ACOT7: variants seen among roughly 807,000 people sequenced by gnomAD.
ACOT7 encodes the protein acyl-CoA thioesterase 7.
Under a neutral mutation model 40.2 loss-of-function variants are expected in ACOT7, and 12 were observed. The ratio of observed to expected loss-of-function variants is 0.30; its 90% CI spans 0.19 to 0.48. The LOEUF is 0.48. Among genes scored for constraint, ACOT7 ranks in the 20% least tolerant of loss-of-function variants. The pLI, the probability that ACOT7 is intolerant of heterozygous loss-of-function variation, is 0.99. For missense variants in ACOT7, 395 were observed against 530.8 expected (o/e 0.74, Z 2.51); for synonymous variants, 228 against 219.5 (o/e 1.04, Z -0.34).
chr1:6,336,064 CG>C (rs2148440889), intron 3 of ACOT7, among the ~76,000 whole-genome samples: 1 of 152,276 alleles, frequency 6.6e-6, no homozygotes, highest in African/African-American at 2.4e-5. Flanking sequence ...AATTATCTCT[CG>C]GCCAGCTGCG....
In ACOT7 at chr1:6,330,486, T is replaced by C. The variant is rs1391920297; in HGVS notation, c.510+2991A>G. The stretch of plus-strand genomic sequence containing the variant: ...GCTGAGAACCGTGCAGCCTCTCCCA[T>C]CTGCGGCTCCGGCTGCCTCGGAGCC... On this transcript the variant is annotated intron_variant, in intron 4 of 8. Transcript: ENST00000361521. The surrounding 1 kb of genome is among the most constrained non-coding windows in gnomAD (Gnocchi z 4.6). Among the ~76,000 whole-genome samples the C allele has an allele frequency of 6.6e-6, 1 of 152,184 alleles. No homozygotes were observed. Among genetic ancestry groups the C allele is most frequent in the African/African-American group, 2.4e-5 (1 of 41,446 alleles).
Position 6,293,181 on chromosome 1 carries a change from G to A in ACOT7, c.829+1683C>T, listed in dbSNP as rs554676079. 7.2e-5 allele frequency among the ~76,000 whole-genome samples: 11 copies of A among 152,272 alleles called. No homozygotes were observed. The East Asian group carries it at 1.5e-3, about 21-fold the overall frequency. ...TGGCATTACAGGCGTGAGCCACAGC[G>A]CTCAGCCAGAAAGTCTATTTCTTTC... On this transcript the variant is annotated intron_variant, in intron 7 of 8. Coordinates refer to ENST00000361521, the MANE Select transcript of ACOT7 (RefSeq NM_007274.4).
At chr1:6,264,846 C>T in intron 8 of ACOT7, 151 bp from the exon 9 acceptor site, 2 of 744,776 alleles carry the variant, frequency 2.7e-6, no homozygotes, top group Admixed American at 2.9e-5. Context: ...CCGCTGGCCT[C>T]CTGGGACTGC....
At chr1:6,368,231 G>A (rs927366126) in intron 1 of ACOT7, among the ~76,000 whole-genome samples, 7 of 152,246 alleles carry the variant, frequency 4.6e-5, no homozygotes, top group Middle Eastern at 3.4e-3. Flanking sequence ...TCTGTCTCTC[G>A]CCACTGTTCA....
intron 7 of ACOT7, among the ~76,000 whole-genome samples, chr1:6,283,317 A>G (rs533587712): frequency 3.9e-5 from 6 of 152,294 alleles, no homozygotes; most frequent in Admixed American, 3.3e-4. Flanking sequence ...GTGCACCACC[A>G]TGCACGGCTG....
chr1:6,356,497 C>A (rs1441438095), intron 1 of ACOT7, among the ~76,000 whole-genome samples: 3 of 152,194 alleles, frequency 2.0e-5, no homozygotes, highest in African/African-American at 7.2e-5. Context: ...ACCTGGCCAG[C>A]CCTGGACAGG....
intron 6 of ACOT7, among the ~76,000 whole-genome samples, chr1:6,314,157 T>C (rs780163753): frequency 6.6e-6 from 1 of 152,088 alleles, no homozygotes; most frequent in Non-Finnish European, 1.5e-5. Flanking sequence ...GAACAACCAT[T>C]GGCTTTCGTA....
intron 5 of ACOT7, among the ~76,000 whole-genome samples, chr1:6,320,038 A>G (rs1340598800): frequency 6.6e-6 from 1 of 152,196 alleles, no homozygotes; most frequent in African/African-American, 2.4e-5. Flanking sequence ...TAGGGGAGGA[A>G]GGGAGGTTCT....
intron 1 of ACOT7, chr1:6,360,804 T>G: frequency 6.8e-7 from 1 of 1,460,882 alleles, no homozygotes; most frequent in Non-Finnish European, 9.1e-7. Flanking sequence ...TTCCAGCTGG[T>G]CCCAGTCCAG....
At chr1:6,312,979 T>C (rs1640382302) in intron 6 of ACOT7, among the ~76,000 whole-genome samples, 1 of 152,070 alleles carries the variant, frequency 6.6e-6, no homozygotes, top group Non-Finnish European at 1.5e-5. Flanking sequence ...CACGGCCCAG[T>C]GGGGACTCCA....
chr1:6,285,683 C>T (rs1571270476), intron 7 of ACOT7, among the ~76,000 whole-genome samples: 1 of 152,194 alleles, frequency 6.6e-6, no homozygotes, highest in African/African-American at 2.4e-5. Flanking sequence ...AGGTGGCTCT[C>T]GGGAGCCCTG....
At chr1:6,302,944 A>G (rs567003653) in intron 6 of ACOT7, among the ~76,000 whole-genome samples, 31 of 152,330 alleles carry the variant, frequency 2.0e-4, no homozygotes, top group South Asian at 1.9e-3. Flanking sequence ...AAATTTTAAG[A>G]AAACAACCCA....
chr1:6,297,790 A>G (rs571046557), intron 6 of ACOT7, among the ~76,000 whole-genome samples: 32 of 152,162 alleles, frequency 2.1e-4, no homozygotes, highest in Admixed American at 5.2e-4. Flanking sequence ...GCTTCGAAAT[A>G]CCGCAGTGGG....
At chr1:6,318,639 C>G in intron 5 of ACOT7, 61 bp from the exon 6 acceptor site, 2 of 1,551,762 alleles carry the variant, frequency 1.3e-6, no homozygotes, top group Non-Finnish European at 8.8e-7. Context: ...GCTGAATGGT[C>G]TGGCAATGCC....
intron 6 of ACOT7, among the ~76,000 whole-genome samples, chr1:6,300,475 C>T (rs1484291726): frequency 6.6e-6 from 1 of 152,068 alleles, no homozygotes; most frequent in Non-Finnish European, 1.5e-5. Flanking sequence ...TCTCCACAAA[C>T]ACGGAATCTC....
At chr1:6,380,599 AAAAC>A (rs1188834433) in intron 1 of ACOT7, among the ~76,000 whole-genome samples, 1 of 150,844 alleles carries the variant, frequency 6.6e-6, no homozygotes, top group East Asian at 1.9e-4. Flanking sequence ...AAAAAAAAAA[AAAAC>A]AAGAAGACGA....
chr1:6,375,104 C>T (rs922571412), intron 1 of ACOT7, among the ~76,000 whole-genome samples: 6 of 150,780 alleles, frequency 4.0e-5, no homozygotes, highest in Admixed American at 1.3e-4. Flanking sequence ...TGTGAAGCCC[C>T]GTCTCTACTA....
chr1:6,346,586 T>A (rs1641430252), intron 2 of ACOT7, among the ~76,000 whole-genome samples: 1 of 152,230 alleles, frequency 6.6e-6, no homozygotes, highest in Non-Finnish European at 1.5e-5. Context: ...CGTGCGGACG[T>A]GCCTTTGGCT....
chr1:6,266,782 G>A (rs1045283344), intron 8 of ACOT7, among the ~76,000 whole-genome samples: 50 of 152,388 alleles, frequency 3.3e-4, no homozygotes, highest in African/African-American at 1.2e-3. Flanking sequence ...CCACAGCCTG[G>A]CTTCCTGCCT....
Sources: allele counts gnomAD v4.1 joint callset (sites outside exome capture counted in the v4.1 genomes callset), GRCh38; gene constraint gnomAD v4.1.1; non-coding constraint Gnocchi (gnomAD v3.1); transcripts MANE v1.5; gene names NCBI Gene and HGNC (gene_info 2026-07-23, HGNC 2026-07-21).